TUBGCP4: variants seen among roughly 807,000 people sequenced by gnomAD.
TUBGCP4 encodes tubulin gamma complex component 4, also known as gamma-tubulin complex component 4.
In TUBGCP4, 54 loss-of-function variants were observed where a neutral mutation model predicts 91.6. That is an observed-to-expected ratio of 0.59 (90% CI 0.47 to 0.74). The LOEUF (loss-of-function observed/expected upper bound fraction) is 0.74, where lower values mean the gene tolerates loss of function less well. Ranked by LOEUF, TUBGCP4 falls within the 30% of genes least tolerant of loss-of-function variation. The probability of loss-of-function intolerance (pLI) is 0.00; values close to 1 mark genes in which losing one functional copy is unlikely to be tolerated. For synonymous variants in TUBGCP4, 297 were observed against 302.8 expected (o/e 0.98, Z 0.20); for missense variants, 593 against 800.9 (o/e 0.74, Z 3.13).
At position 43,398,033 on chromosome 15, in the gene TUBGCP4, C is replaced by T; in HGVS notation, c.1280-8C>T. ...CTTTTCTTTTTTTCTTTTCTTTTATCACAGCAGATGCTACTCAGGCAAGAG... is the reference window on the plus strand; with the variant it reads ...CTTTTCTTTTTTTCTTTTCTTTTATTACAGCAGATGCTACTCAGGCAAGAG... On this transcript the variant is annotated splice_polypyrimidine_tract_variant and splice_region_variant and intron_variant, in intron 12 of 17. Coordinates refer to ENST00000564079, the MANE Select transcript of TUBGCP4 (RefSeq NM_014444.5). The T allele has an allele frequency of 6.3e-7, 1 of 1,595,884 alleles. No individual in the cohort carries two copies. Among genetic ancestry groups the T allele is most frequent in the South Asian group, 1.1e-5 (1 of 89,066 alleles).
chr15:43,400,918 CA>C (rs567791945), intron 14 of TUBGCP4, among the ~76,000 whole-genome samples: 48 of 133,472 alleles, frequency 3.6e-4, no homozygotes, highest in East Asian at 1.8e-3. Context: ...ACTCCGTCTC[CA>C]AAAAAAAAAA....
chr15:43,385,104 G>T (rs563164007), intron 7 of TUBGCP4, among the ~76,000 whole-genome samples: 2 of 152,134 alleles, frequency 1.3e-5, no homozygotes, highest in African/African-American at 2.4e-5. Context: ...TGGGTCTAAT[G>T]GGGGGCATGT....
At chr15:43,400,291 A>C in intron 14 of TUBGCP4, 70 bp downstream of exon 14, 3 of 1,320,078 alleles carry the variant, frequency 2.3e-6, no homozygotes, top group Non-Finnish European at 1.1e-6. Flanking sequence ...GGGAGTATTG[A>C]ATAGGGACTA....
At chr15:43,391,142 G>T (rs1407646594) in intron 9 of TUBGCP4, among the ~76,000 whole-genome samples, 1 of 151,536 alleles carries the variant, frequency 6.6e-6, no homozygotes, top group Non-Finnish European at 1.5e-5. Flanking sequence ...CTTCCCTTCT[G>T]CCTCAGCCTT....
chr15:43,396,135 C>G (rs2142861295), intron 11 of TUBGCP4, among the ~76,000 whole-genome samples: 1 of 152,324 alleles, frequency 6.6e-6, no homozygotes, highest in South Asian at 2.1e-4. Flanking sequence ...CACTCATTCA[C>G]CACATCTTGT....
In TUBGCP4 at chr15:43,403,750, T is replaced by C; in HGVS notation, c.1799T>C (p.Leu600Pro). The change falls in exon 16 of 18, where the codon CTA (leucine) becomes CCA (proline). Residue 600 changes from leucine to proline, a missense_variant. Leu to Pro is a moderately conservative substitution (Grantham distance 98). Coordinates refer to ENST00000564079, the MANE Select transcript of TUBGCP4 (RefSeq NM_014444.5). ...TTTTGTTCGCTGGTCAGTCAGAACC[T>C]AGGCCCACTGGATGAGCGTGGAGCC... ...HSFCSLVSQN[L>P]GPLDERGAAQ... 1 of 1,613,900 alleles carries C rather than the reference T, an allele frequency of 6.2e-7. No individual in the cohort carries two copies. The highest frequency in any genetic ancestry group is 1.3e-5 in the African/African-American group (1 of 75,064).
At position 43,407,721 on chromosome 15, in the gene TUBGCP4, C is replaced by G; in HGVS notation, c.*2507C>G. 1.2e-6 allele frequency: 1 copy of G among 831,974 alleles called. No homozygotes were observed. The highest frequency in any genetic ancestry group is 1.8e-6 in the Non-Finnish European group (1 of 541,604). 51.5% of individuals were successfully genotyped at this position (831,974 alleles called of 1,614,324 possible). ...CACTGCTACTGATCATGACCAAAGG[C>G]AGAGTTATAATCACTATGTGCTGAC... On this transcript the variant is annotated 3_prime_UTR_variant, in exon 18 of 18. Transcript: ENST00000564079.
intron 9 of TUBGCP4, among the ~76,000 whole-genome samples, chr15:43,390,552 C>T (rs1248976920): frequency 6.7e-6 from 1 of 150,000 alleles, no homozygotes; most frequent in Non-Finnish European, 1.5e-5. Context: ...CACTGTGGCC[C>T]AGGCTGGAGT....
chr15:43,377,611 CAAAAA>C (rs60932318), intron 4 of TUBGCP4: 298 of 259,134 alleles, frequency 1.1e-3, no homozygotes, highest in Non-Finnish European at 1.2e-3. Flanking sequence ...GACCCTGTCT[CAAAAA>C]AAAAAAAAAA....
chr15:43,394,999 C>T, intron 9 of TUBGCP4, 108 bp from the exon 10 acceptor site: 1 of 1,185,574 alleles, frequency 8.4e-7, no homozygotes, highest in Non-Finnish European at 1.3e-6. Flanking sequence ...CTATGTGGGG[C>T]AAGGTATAGT....
intron 12 of TUBGCP4, among the ~76,000 whole-genome samples, chr15:43,397,712 C>T (rs2044604868): frequency 6.6e-6 from 1 of 152,064 alleles, no homozygotes; most frequent in Admixed American, 6.6e-5. Context: ...CCATTGAGCT[C>T]TGTTGCTTTT....
At chr15:43,387,265 T>A (rs1252318932) in intron 9 of TUBGCP4, among the ~76,000 whole-genome samples, 1 of 142,114 alleles carries the variant, frequency 7.0e-6, no homozygotes, top group East Asian at 2.2e-4. Flanking sequence ...TCTTCTTCAT[T>A]TTGAATTGTG....
At position 43,408,713 on chromosome 15, in the gene TUBGCP4, TC is replaced by T. The variant is rs1414369275; in HGVS notation, c.*3501del. The T allele has an allele frequency of 9.8e-6, 6 of 610,082 alleles. No homozygotes were observed. In the African/African-American group the frequency reaches 1.1e-4, roughly 11 times the overall value. 37.8% of individuals were successfully genotyped at this position (610,082 alleles called of 1,614,324 possible). On this transcript the variant is annotated 3_prime_UTR_variant, in exon 18 of 18. Transcript: ENST00000564079. ...AAATCTTCACACATTTGCAAAAGGT[TC>T]CTAGCCAATGTAACCTAGGGAAATA...
rs1379145360 is a variant in TUBGCP4 at position 43,405,496 on chromosome 15, G to A, written c.*282G>A. On this transcript the variant is annotated 3_prime_UTR_variant, in exon 18 of 18. Transcript: ENST00000564079. The stretch of plus-strand genomic sequence containing the variant: ...TTCATTTATTCAATAGTCATTTATT[G>A]AGCACCTACTACGTACCTTGGTACT... 2 of 512,096 alleles carry A rather than the reference G, an allele frequency of 3.9e-6. No individual in the cohort carries two copies. The highest frequency in any genetic ancestry group is 3.3e-5 in the East Asian group (1 of 30,144). The allele number at this position is 512,096 out of a possible 1,614,324, so 31.7% of individuals were successfully genotyped here.
chr15:43,398,382 T>TAAA (rs3038777), intron 13 of TUBGCP4: 152 of 277,320 alleles, frequency 5.5e-4, no homozygotes, highest in African/African-American at 2.9e-3. Flanking sequence ...CCCCATCTCA[T>TAAA]AAAAAAAAAA....
At chr15:43,390,002 A>G (rs1019984790) in intron 9 of TUBGCP4, among the ~76,000 whole-genome samples, 7 of 152,016 alleles carry the variant, frequency 4.6e-5, no homozygotes, top group African/African-American at 1.7e-4. Flanking sequence ...CCATGATTCA[A>G]TCACCTCCCA....
At chr15:43,392,562 G>A (rs1186342877) in intron 9 of TUBGCP4, among the ~76,000 whole-genome samples, 1 of 152,088 alleles carries the variant, frequency 6.6e-6, no homozygotes. Flanking sequence ...GCAGTGGCGT[G>A]ATCTCGGCTC....
Position 43,406,729 on chromosome 15 carries a change from C to G in TUBGCP4, c.*1515C>G. The stretch of plus-strand genomic sequence containing the variant: ...AATAATAATAATATTGGGTCTTTGA[C>G]TAGAACGTGTAACATTTCCAGGTGT... On this transcript the variant is annotated 3_prime_UTR_variant, in exon 18 of 18. Coordinates refer to ENST00000564079, the MANE Select transcript of TUBGCP4 (RefSeq NM_014444.5). 1 of 408,680 alleles carries G rather than the reference C, an allele frequency of 2.4e-6. No homozygotes were observed. The highest frequency in any genetic ancestry group is 1.8e-5 in the South Asian group (1 of 54,982). 25.3% of individuals were successfully genotyped at this position (408,680 alleles called of 1,614,324 possible).
At chr15:43,385,379 G>A (rs1237309281) in intron 7 of TUBGCP4, 8 of 457,042 alleles carry the variant, frequency 1.8e-5, no homozygotes, top group East Asian at 1.4e-4. Flanking sequence ...CACAGAAGAC[G>A]ATGTGATTGT....
Sources: allele counts gnomAD v4.1 joint callset (sites outside exome capture counted in the v4.1 genomes callset), GRCh38; gene constraint gnomAD v4.1.1; transcripts MANE v1.5; gene names NCBI Gene and HGNC (gene_info 2026-07-23, HGNC 2026-07-21).